The following HNRNPR variants were observed in gnomAD, a reference collection of about 807,000 sequenced individuals.
The protein encoded by HNRNPR is heterogeneous nuclear ribonucleoprotein R.
A neutral mutation model predicts 70.3 loss-of-function variants in HNRNPR; 4 were observed. That is an observed-to-expected ratio of 0.06 (90% CI 0.03 to 0.13). The LOEUF (loss-of-function observed/expected upper bound fraction) is 0.13, where lower values mean the gene tolerates loss of function less well. Among genes scored for constraint, HNRNPR ranks in the 10% least tolerant of loss-of-function variants. The pLI is 1.00. For synonymous variants in HNRNPR, 241 were observed against 267.6 expected (o/e 0.90, Z 0.97); for missense variants, 423 against 788.5 (o/e 0.54, Z 5.55).
At chr1:23,333,476 C>T (rs763732129) in intron 5 of HNRNPR, 42 bp downstream of exon 5, 1 of 1,288,544 alleles carries the variant, frequency 7.8e-7, no homozygotes, top group Admixed American at 1.7e-5. Flanking sequence ...AAAACACTTT[C>T]CAAACTGGAA....
In HNRNPR at chr1:23,310,289, A is replaced by T; in HGVS notation, c.*165T>A. 1.6e-6 allele frequency: 1 copy of T among 617,108 alleles called. No homozygotes were observed. Among genetic ancestry groups the T allele is most frequent in the Non-Finnish European group, 2.7e-6 (1 of 369,814 alleles). 38.2% of individuals were successfully genotyped at this position (617,108 alleles called of 1,614,324 possible). A position where few individuals can be genotyped will look rare whatever the true frequency, so the allele number is the denominator to read the frequency against. ...AAGAGCATTTATGAAAAGAGGAAAA[A>T]TAAAAAGACTTGAGTATATACACAA... is the stretch of plus-strand genomic sequence containing the variant. On this transcript the variant is annotated 3_prime_UTR_variant, in exon 11 of 11. Transcript: ENST00000302271. This position sits in a 1 kb window ranked among gnomAD's most constrained non-coding sequence, Gnocchi z 6.0.
At chr1:23,333,240 T>C (rs1268668253) in intron 5 of HNRNPR, among the ~76,000 whole-genome samples, 2 of 152,072 alleles carry the variant, frequency 1.3e-5, no homozygotes, top group East Asian at 3.9e-4. Flanking sequence ...ATAACTTTAC[T>C]CCAAGTATCT....
chr1:23,312,523 T>G (rs577826894), intron 9 of HNRNPR, among the ~76,000 whole-genome samples: 6 of 152,194 alleles, frequency 3.9e-5, no homozygotes, highest in African/African-American at 1.4e-4. Flanking sequence ...CGGATAAGAG[T>G]ATAACAGCAT....
chr1:23,316,886 T>C (rs1044628397), intron 8 of HNRNPR, among the ~76,000 whole-genome samples: 3 of 152,162 alleles, frequency 2.0e-5, no homozygotes, highest in African/African-American at 7.2e-5. Flanking sequence ...AGATACTGAG[T>C]AGCACTTCTG....
chr1:23,322,803 G>T (rs1270278527), intron 6 of HNRNPR, among the ~76,000 whole-genome samples: 1 of 152,200 alleles, frequency 6.6e-6, no homozygotes, highest in Non-Finnish European at 1.5e-5. Context: ...GTCCTCAGAA[G>T]TCAGGCAAGG....
intron 1 of HNRNPR, among the ~76,000 whole-genome samples, chr1:23,342,514 C>A (rs1377689023): frequency 6.6e-6 from 1 of 152,128 alleles, no homozygotes. Flanking sequence ...CTAGCAAAAA[C>A]GGAAACATTC....
At chr1:23,327,603 T>C (rs1294853376) in intron 5 of HNRNPR, among the ~76,000 whole-genome samples, 3 of 152,032 alleles carry the variant, frequency 2.0e-5, no homozygotes, top group Non-Finnish European at 4.4e-5. Flanking sequence ...GGCAGAAGAA[T>C]CACTTGAACC....
rs1461954422 is a variant in HNRNPR, at chr1:23,306,021, T to C, written c.*4433A>G. 8 of 152,222 alleles carry C rather than the reference T, an allele frequency of 5.3e-5. No homozygotes were observed. Among genetic ancestry groups the C allele is most frequent in the Admixed American group, 5.2e-4 (8 of 15,284 alleles). The allele number at this position is 152,222 out of a possible 1,614,324, so 9.4% of individuals were successfully genotyped here. On this transcript the variant is annotated 3_prime_UTR_variant, in exon 11 of 11. Transcript: ENST00000302271. Reference sequence around the variant, plus strand: ...GTCTTCTTGTTTTCACTAAAATTAGTGTGCAATAAATATCTCTTTAAGATG... The same window carrying C: ...GTCTTCTTGTTTTCACTAAAATTAGCGTGCAATAAATATCTCTTTAAGATG...
At chr1:23,313,754 A>T (rs778243485) in intron 8 of HNRNPR, 52 bp from the exon 9 acceptor site, 1 of 1,569,680 alleles carries the variant, frequency 6.4e-7, no homozygotes, top group Admixed American at 2.1e-5. Flanking sequence ...ATTTTACCTG[A>T]AAAGTGTTTC....
At chr1:23,342,366 G>C (rs771370092) in intron 1 of HNRNPR, among the ~76,000 whole-genome samples, 9 of 152,126 alleles carry the variant, frequency 5.9e-5, no homozygotes, top group Non-Finnish European at 1.0e-4. Flanking sequence ...AAAATGCAAA[G>C]GATTACTCTG....
intron 5 of HNRNPR, among the ~76,000 whole-genome samples, chr1:23,324,193 G>A (rs1478576022): frequency 6.6e-6 from 1 of 151,396 alleles, no homozygotes; most frequent in Non-Finnish European, 1.5e-5. Context: ...AAATAAAAAT[G>A]AATAAAAATA....
chr1:23,315,766 G>A (rs547796695), intron 8 of HNRNPR, among the ~76,000 whole-genome samples: 2 of 151,952 alleles, frequency 1.3e-5, no homozygotes, highest in African/African-American at 4.8e-5. Context: ...TCAGATAAAG[G>A]GCTATCTAAT....
At chr1:23,336,004 C>T (rs899955217) in intron 4 of HNRNPR, among the ~76,000 whole-genome samples, 20 of 146,848 alleles carry the variant, frequency 1.4e-4, no homozygotes, top group African/African-American at 4.8e-4. Context: ...GTAGTCCCAG[C>T]TACTCGGGAG....
intron 8 of HNRNPR, among the ~76,000 whole-genome samples, chr1:23,317,435 G>GCT (rs1293341370): frequency 1.3e-5 from 2 of 151,294 alleles, no homozygotes; most frequent in African/African-American, 4.9e-5. Context: ...TCCAGCCTGG[G>GCT]ACAAAGCAAG....
In HNRNPR at chr1:23,304,856, C is replaced by T. The variant is rs1645180348; in HGVS notation, c.*5598G>A. The T allele has an allele frequency of 6.6e-6, 1 of 152,056 alleles. No homozygotes were observed. The highest frequency in any genetic ancestry group is 6.6e-5 in the Admixed American group (1 of 15,264). The allele number at this position is 152,056 out of a possible 1,614,324, so 9.4% of individuals were successfully genotyped here. A position where few individuals can be genotyped will look rare whatever the true frequency, so the allele number is the denominator to read the frequency against. On this transcript the variant is annotated 3_prime_UTR_variant, in exon 11 of 11. Transcript: ENST00000302271. ...TTGGTATTTCTTATGTTACTATATCCATATCAGCAATTTATGTTTGCAGGA... is the reference window on the plus strand; with the variant it reads ...TTGGTATTTCTTATGTTACTATATCTATATCAGCAATTTATGTTTGCAGGA...
In HNRNPR at chr1:23,305,557, A is replaced by C. The variant is rs1039813164; in HGVS notation, c.*4897T>G. 6.6e-6 allele frequency: 1 copy of C among 152,202 alleles called. No homozygotes were observed. Among genetic ancestry groups the C allele is most frequent in the Non-Finnish European group, 1.5e-5 (1 of 68,004 alleles). 9.4% of individuals were successfully genotyped at this position (152,202 alleles called of 1,614,324 possible). On this transcript the variant is annotated 3_prime_UTR_variant, in exon 11 of 11. Transcript: ENST00000302271. ...GGCATGAAAATCCATAATTACTTTT[A>C]ATCAGTGTTTATACCATATTACAAT...
chr1:23,323,839 G>A, intron 5 of HNRNPR, 107 bp from the exon 6 acceptor site: 2 of 831,020 alleles, frequency 2.4e-6, no homozygotes, highest in South Asian at 1.5e-5. Flanking sequence ...AGATGGTTAA[G>A]AAAGAATGGA....
chr1:23,323,502 A>C, intron 6 of HNRNPR, 54 bp downstream of exon 6: 1 of 1,475,020 alleles, frequency 6.8e-7, no homozygotes, highest in African/African-American at 1.4e-5. Flanking sequence ...TTTTGAATTA[A>C]AGTTTATTTC....
rs1322089596 is a variant in HNRNPR at position 23,309,014 on chromosome 1, T to TA, written c.*1439dup. On this transcript the variant is annotated 3_prime_UTR_variant, in exon 11 of 11. Coordinates refer to ENST00000302271, the MANE Select transcript of HNRNPR (RefSeq NM_005826.5). ...ATTCACTTTTCTGTACCGTAAAGCT[T>TA]AGATTCTTTTGTTCCTCTCATTCTC... is the stretch of plus-strand genomic sequence containing the variant. 1 of 152,070 alleles carries TA rather than the reference T, an allele frequency of 6.6e-6. No homozygotes were observed. Among genetic ancestry groups the TA allele is most frequent in the Non-Finnish European group, 1.5e-5 (1 of 67,922 alleles). 9.4% of individuals were successfully genotyped at this position (152,070 alleles called of 1,614,324 possible).
Sources: allele counts gnomAD v4.1 joint callset (sites outside exome capture counted in the v4.1 genomes callset), GRCh38; gene constraint gnomAD v4.1.1; non-coding constraint Gnocchi (gnomAD v3.1); transcripts MANE v1.5; gene names NCBI Gene and HGNC (gene_info 2026-07-23, HGNC 2026-07-21).